The following COL24A1 variants were observed in gnomAD, a reference collection of about 807,000 sequenced individuals.
The protein encoded by COL24A1 is collagen alpha-1(XXIV) chain.
COL24A1 carries 224 observed loss-of-function variants against 253.9 expected under a neutral mutation model. The observed-to-expected ratio is 0.88, with a 90% CI of 0.79 to 0.99. COL24A1 has a LOEUF of 0.99. Among genes scored for constraint, COL24A1 ranks in the 50% least tolerant of loss-of-function variants. The pLI, the probability that COL24A1 is intolerant of heterozygous loss-of-function variation, is 0.00. For synonymous variants in COL24A1, 685 were observed against 673.7 expected (o/e 1.02, Z -0.26); for missense variants, 2,131 against 2,068.5 (o/e 1.03, Z -0.59).
At chr1:85,912,617 A>G (rs1048888099) in intron 24 of COL24A1, among the ~76,000 whole-genome samples, 1 of 152,162 alleles carries the variant, frequency 6.6e-6, no homozygotes, top group African/African-American at 2.4e-5. Context: ...CATATATATA[A>G]CATATATTAA....
chr1:85,992,870 T>G (rs1694419947), intron 19 of COL24A1, among the ~76,000 whole-genome samples: 1 of 152,194 alleles, frequency 6.6e-6, no homozygotes, highest in African/African-American at 2.4e-5. Flanking sequence ...TGGTGTCTTC[T>G]TAATAGAACT....
At chr1:85,822,499 G>C (rs1307744181) in intron 45 of COL24A1, among the ~76,000 whole-genome samples, 1 of 152,178 alleles carries the variant, frequency 6.6e-6, no homozygotes. Context: ...TAAAGTTGAG[G>C]CAATGTCTAT....
chr1:86,098,654 T>G (rs1389393166), intron 5 of COL24A1, among the ~76,000 whole-genome samples: 1 of 152,166 alleles, frequency 6.6e-6, no homozygotes, highest in Non-Finnish European at 1.5e-5. Flanking sequence ...ATCCTTGGAC[T>G]GAGACTCACA....
intron 55 of COL24A1, among the ~76,000 whole-genome samples, chr1:85,759,827 G>A (rs1238214080): frequency 6.6e-6 from 1 of 152,164 alleles, no homozygotes; most frequent in Non-Finnish European, 1.5e-5. Context: ...ACACAGTTTG[G>A]CACTTAAATG....
intron 37 of COL24A1, among the ~76,000 whole-genome samples, chr1:85,853,978 T>A (rs1384168448): frequency 2.6e-5 from 4 of 152,204 alleles, no homozygotes; most frequent in Non-Finnish European, 5.9e-5. Flanking sequence ...ATTAGGTTCA[T>A]TTGTCAAGTT....
At position 85,840,378 on chromosome 1, in the gene COL24A1, T is replaced by A. The variant is rs374374881; in HGVS notation, c.3627+844A>T. On this transcript the variant is annotated intron_variant, in intron 42 of 59. Transcript: ENST00000370571. ...TACCTATATATCTATTGCCTCTATATGAGATGGCTTGATTTAATCAGAAAA... is the reference window on the plus strand; with the variant it reads ...TACCTATATATCTATTGCCTCTATAAGAGATGGCTTGATTTAATCAGAAAA... Among the ~76,000 whole-genome samples the A allele has an allele frequency of 2.1e-3, 327 of 152,274 alleles. 8 individuals are homozygous for A. The South Asian group carries it at 0.051, about 24-fold the overall frequency.
chr1:85,943,908 T>C (rs1688986931), intron 24 of COL24A1, among the ~76,000 whole-genome samples: 1 of 152,222 alleles, frequency 6.6e-6, no homozygotes, highest in African/African-American at 2.4e-5. Context: ...TTTTAGAAAG[T>C]TCTAATTCAT....
At position 85,988,225 on chromosome 1, in the gene COL24A1, A is replaced by C. The variant is rs1693907123; in HGVS notation, c.2311-571T>G. The stretch of plus-strand genomic sequence containing the variant: ...TGTCTATAAATACTTAAGTCCTCAA[A>C]GGCTCTATGAACCATTATCTTACAA... On this transcript the variant is annotated intron_variant, in intron 19 of 59. Coordinates refer to ENST00000370571, the MANE Select transcript of COL24A1 (RefSeq NM_152890.7). Among the ~76,000 whole-genome samples the C allele has an allele frequency of 1.3e-5, 2 of 151,996 alleles. 1 individual carries two copies. Among genetic ancestry groups the C allele is most frequent in the South Asian group, 4.1e-4 (2 of 4,836 alleles).
intron 22 of COL24A1, among the ~76,000 whole-genome samples, chr1:85,967,923 T>C (rs146126190): frequency 2.0e-5 from 3 of 152,252 alleles, no homozygotes; most frequent in African/African-American, 7.2e-5. Flanking sequence ...CAAAAGAGAT[T>C]AACATTTGAG....
intron 11 of COL24A1, among the ~76,000 whole-genome samples, chr1:86,047,111 T>C (rs1429613960): frequency 2.6e-5 from 4 of 152,174 alleles, no homozygotes; most frequent in Non-Finnish European, 5.9e-5. Flanking sequence ...CCAAATGGGA[T>C]CTTGACATTT....
At chr1:85,824,277 C>T (rs906468244) in intron 43 of COL24A1, among the ~76,000 whole-genome samples, 1 of 152,128 alleles carries the variant, frequency 6.6e-6, no homozygotes, top group Non-Finnish European at 1.5e-5. Flanking sequence ...GAGTGTGGCC[C>T]TAGAGCCTCT....
intron 19 of COL24A1, among the ~76,000 whole-genome samples, chr1:86,006,958 T>A (rs1360043032): frequency 1.3e-5 from 2 of 152,132 alleles, no homozygotes. Context: ...ATGACTTTAA[T>A]CCCAGCACTT....
intron 2 of COL24A1, among the ~76,000 whole-genome samples, chr1:86,130,357 T>C (rs143020866): frequency 6.6e-6 from 1 of 152,100 alleles, no homozygotes; most frequent in East Asian, 1.9e-4. Flanking sequence ...TTTGCTAATA[T>C]TATGGTTTGT....
intron 1 of COL24A1, among the ~76,000 whole-genome samples, chr1:86,150,879 A>G (rs998695264): frequency 6.6e-6 from 1 of 152,170 alleles, no homozygotes; most frequent in Non-Finnish European, 1.5e-5. Flanking sequence ...TCTGGGTCTT[A>G]GCTGACTCAT....
intron 32 of COL24A1, among the ~76,000 whole-genome samples, chr1:85,878,135 T>G (rs979873565): frequency 1.3e-5 from 2 of 152,220 alleles, no homozygotes; most frequent in South Asian, 2.1e-4. Flanking sequence ...CATTGGACAT[T>G]GTTTTAGTTC....
chr1:86,121,528 G>C (rs1044706094), intron 3 of COL24A1, among the ~76,000 whole-genome samples: 1 of 151,922 alleles, frequency 6.6e-6, no homozygotes, highest in Admixed American at 6.6e-5. Flanking sequence ...TCAAAGAAGA[G>C]TTGTGAAAGA....
intron 24 of COL24A1, among the ~76,000 whole-genome samples, 186 bp from the exon 25 acceptor site, chr1:85,911,619 A>G (rs979381915): frequency 6.6e-5 from 10 of 152,114 alleles, no homozygotes; most frequent in African/African-American, 2.4e-4. Flanking sequence ...TTATTCAGTC[A>G]GTCAACAAAA....
chr1:86,132,137 G>A (rs903849711), intron 2 of COL24A1, among the ~76,000 whole-genome samples: 22 of 152,150 alleles, frequency 1.4e-4, no homozygotes, highest in Non-Finnish European at 2.4e-4. Flanking sequence ...ATTTTTTCAT[G>A]TGTCTGTTGG....
chr1:85,972,431 T>C (rs981714842), intron 20 of COL24A1, among the ~76,000 whole-genome samples: 1 of 152,198 alleles, frequency 6.6e-6, no homozygotes, highest in African/African-American at 2.4e-5. Flanking sequence ...TATTGTAAGC[T>C]TATTACATAA....
Sources: gnomAD v4.1 joint callset for allele counts (sites outside exome capture counted in the v4.1 genomes callset) on GRCh38, gnomAD v4.1.1 for gene constraint, MANE v1.5 for transcripts, NCBI Gene and HGNC (gene_info 2026-07-23, HGNC 2026-07-21) for gene names.